Variants in SHANK2 observed in about 807,000 individuals in gnomAD.
SHANK2 encodes the protein SH3 and multiple ankyrin repeat domains 2.
In SHANK2, 43 loss-of-function variants were observed where a neutral mutation model predicts 133.7. The observed-to-expected ratio is 0.32, with a 90% CI of 0.25 to 0.41. SHANK2 has a LOEUF of 0.41. SHANK2 is among the 10% of genes least tolerant of loss of function. The pLI is 1.00. For missense variants in SHANK2, 1,994 were observed against 2,235.8 expected, an observed-to-expected ratio of 0.89 and a Z score of 2.18; for synonymous variants, 1,017 against 952.8, an observed-to-expected ratio of 1.07 and a Z score of -1.24.
chr11:70,815,166 G>A (rs1948362621), intron 12 of SHANK2, among the ~76,000 whole-genome samples: 1 of 143,380 alleles, frequency 7.0e-6, no homozygotes, highest in Admixed American at 7.1e-5. Flanking sequence ...TTAGGAGGAT[G>A]GGAGAAGAAA....
chr11:71,197,669 G>C (rs1478919552), intron 2 of SHANK2, among the ~76,000 whole-genome samples: 5 of 152,118 alleles, frequency 3.3e-5, no homozygotes, highest in Admixed American at 3.3e-4. Flanking sequence ...ATTTATTTTT[G>C]AGACAGAGTC....
chr11:71,121,557 C>T (rs570431480), intron 3 of SHANK2, among the ~76,000 whole-genome samples: 1 of 152,344 alleles, frequency 6.6e-6, no homozygotes, highest in East Asian at 1.9e-4. Flanking sequence ...TGTGCAGAAG[C>T]TCTTGAGTTT....
At chr11:70,939,397 G>A (rs1177977753) in intron 10 of SHANK2, among the ~76,000 whole-genome samples, 3 of 152,158 alleles carry the variant, frequency 2.0e-5, no homozygotes, top group African/African-American at 4.8e-5. Context: ...AGAATCACTT[G>A]AACCTGGGTG....
chr11:70,798,609 A>G, intron 13 of SHANK2, 53 bp from the exon 14 acceptor site: 1 of 712,914 alleles, frequency 1.4e-6, no homozygotes. Context: ...GGAGGGCCTG[A>G]GGTTGAACAA....
At chr11:70,503,469 C>T (rs1208210080) in intron 17 of SHANK2, among the ~76,000 whole-genome samples, 1 of 152,234 alleles carries the variant, frequency 6.6e-6, no homozygotes, top group Non-Finnish European at 1.5e-5. Context: ...CTCTCCCGCT[C>T]CAGAGGCCTG....
intron 17 of SHANK2, among the ~76,000 whole-genome samples, chr11:70,534,674 C>G (rs779917028): frequency 2.6e-5 from 4 of 152,134 alleles, no homozygotes; most frequent in Admixed American, 6.5e-5. Context: ...TGACAGTGTC[C>G]TAAGACTGCT....
chr11:70,573,835 C>T (rs1041606789), intron 17 of SHANK2, among the ~76,000 whole-genome samples: 3 of 152,200 alleles, frequency 2.0e-5, no homozygotes, highest in East Asian at 3.9e-4. Flanking sequence ...CTTCTCACAC[C>T]GAAGACTTCA....
chr11:70,906,272 G>C (rs561842891), intron 10 of SHANK2, among the ~76,000 whole-genome samples: 1 of 152,374 alleles, frequency 6.6e-6, no homozygotes, highest in South Asian at 2.1e-4. Context: ...CTTCACAGTG[G>C]TGAGGGCGCC....
chr11:70,759,341 C>T (rs931003424), intron 14 of SHANK2, among the ~76,000 whole-genome samples: 6 of 151,834 alleles, frequency 4.0e-5, no homozygotes, highest in Admixed American at 2.0e-4. Context: ...AAAAATTAGC[C>T]GGGCGTGGTG....
At chr11:70,789,756 C>T (rs149671453) in intron 14 of SHANK2, among the ~76,000 whole-genome samples, 104 of 152,334 alleles carry the variant, frequency 6.8e-4, no homozygotes, top group African/African-American at 2.4e-3. Context: ...GTGAGGCCCC[C>T]ACTCCTACCT....
chr11:71,232,779 T>C (rs1351657237), intron 1 of SHANK2, among the ~76,000 whole-genome samples: 1 of 152,214 alleles, frequency 6.6e-6, no homozygotes, highest in East Asian at 1.9e-4. Context: ...CGATTTCCAG[T>C]AAATAGTAGG....
intron 14 of SHANK2, among the ~76,000 whole-genome samples, chr11:70,732,567 G>A (rs79683926): frequency 0.02 from 3,046 of 152,028 alleles, 42 homozygotes; most frequent in Non-Finnish European, 0.032. Flanking sequence ...ACACCTCCCC[G>A]ACCCTCCCCT....
intron 14 of SHANK2, among the ~76,000 whole-genome samples, chr11:70,761,508 A>G (rs1488624512): frequency 6.6e-6 from 1 of 152,230 alleles, no homozygotes; most frequent in Non-Finnish European, 1.5e-5. Flanking sequence ...GATGATGATG[A>G]TGGTGAAGGG....
In SHANK2 at chr11:70,661,631, T is replaced by C. The variant is rs782678825; in HGVS notation, c.1901A>G (p.Asn634Ser). ...EKTVVLQKKD[N>S]EGFGFVLRGA... ...TCGAAGCACGAATCCAAAGCCCTCA[T>C]TGTCTTTTTTCTGCAGGACCACCGT... Residue 634 changes from asparagine to serine, a missense_variant, in exon 16 of 26, where the codon AAT (asparagine) becomes AGT (serine). Asn to Ser is a conservative substitution (Grantham distance 46, BLOSUM62 1). Coordinates refer to ENST00000601538, the MANE Select transcript of SHANK2 (RefSeq NM_012309.5). 2.5e-6 allele frequency: 4 copies of C among 1,613,300 alleles called. No individual in the cohort carries two copies. Among genetic ancestry groups the C allele is most frequent in the Admixed American group, 3.3e-5 (2 of 59,956 alleles).
At chr11:71,167,514 C>T (rs1953185991) in intron 2 of SHANK2, among the ~76,000 whole-genome samples, 1 of 138,174 alleles carries the variant, frequency 7.2e-6, no homozygotes, top group Non-Finnish European at 1.6e-5. Context: ...CCTCACCTCC[C>T]AGACAGGGCG....
At chr11:70,789,317 C>T (rs944909170) in intron 14 of SHANK2, among the ~76,000 whole-genome samples, 1 of 152,242 alleles carries the variant, frequency 6.6e-6, no homozygotes, top group Non-Finnish European at 1.5e-5. Context: ...CTGCAAACCA[C>T]ATCTGTTTCC....
At chr11:71,145,485 G>A (rs1232390945) in intron 3 of SHANK2, among the ~76,000 whole-genome samples, 16 of 152,340 alleles carry the variant, frequency 1.1e-4, no homozygotes, top group African/African-American at 2.2e-4. Flanking sequence ...GTGTCAGCAC[G>A]TTAGTCCCCT....
intron 17 of SHANK2, among the ~76,000 whole-genome samples, chr11:70,543,366 C>T (rs1384363262): frequency 6.6e-6 from 1 of 152,126 alleles, no homozygotes; most frequent in Non-Finnish European, 1.5e-5. Flanking sequence ...GAACCAATCC[C>T]AAGATTAGAG....
chr11:70,832,738 G>C (rs1392278009), intron 11 of SHANK2, among the ~76,000 whole-genome samples: 4 of 152,042 alleles, frequency 2.6e-5, no homozygotes, highest in African/African-American at 9.7e-5. Flanking sequence ...TTCTGCCCAG[G>C]GCCTTGCATG....
Sources: gnomAD v4.1 joint callset for allele counts (sites outside exome capture counted in the v4.1 genomes callset) on GRCh38, gnomAD v4.1.1 for gene constraint, MANE v1.5 for transcripts, NCBI Gene and HGNC (gene_info 2026-07-23, HGNC 2026-07-21) for gene names.